Variants in CDH13 observed in about 807,000 individuals in gnomAD.
CDH13 encodes cadherin 13.
Under a neutral mutation model 63.8 loss-of-function variants are expected in CDH13, and 24 were observed. The observed-to-expected ratio is 0.38, with a 90% CI of 0.27 to 0.53. The LOEUF (loss-of-function observed/expected upper bound fraction) is 0.53, where lower values mean the gene tolerates loss of function less well. Ranked by LOEUF, CDH13 falls within the 20% of genes least tolerant of loss-of-function variation. The pLI is 0.85. For synonymous variants in CDH13, 503 were observed against 355.3 expected (o/e 1.42, Z -4.67); for missense variants, 1,049 against 903.1 (o/e 1.16, Z -2.07).
rs1279112965 is a variant in CDH13 at position 83,304,422 on chromosome 16, C to G, written c.637-40440C>G. Among the ~76,000 whole-genome samples, 6 of 151,892 alleles carry G rather than the reference C, an allele frequency of 4.0e-5. No homozygotes were observed. In the East Asian group the frequency reaches 1.2e-3, roughly 30 times the overall value. ...GTGGGTTGGGGAATGAGAAGGAGCT[C>G]AAGGTGATTATTCTGTTTTTTTTTC... On this transcript the variant is annotated intron_variant, in intron 5 of 13. Transcript: ENST00000567109.
At chr16:83,146,139 A>G (rs1332734531) in intron 4 of CDH13, among the ~76,000 whole-genome samples, 1 of 145,846 alleles carries the variant, frequency 6.9e-6, no homozygotes, top group Non-Finnish European at 1.5e-5. Context: ...AGTTACAGTG[A>G]GCCAAGATTG....
At chr16:83,636,120 GGTGCAGGTGTATTT>G (rs1911243209) in intron 8 of CDH13, among the ~76,000 whole-genome samples, 2 of 151,782 alleles carry the variant, frequency 1.3e-5, no homozygotes, top group Admixed American at 1.3e-4. Context: ...AAATCATGTG[GGTGCAGGTGTATTT>G]GTGCAGGTCT....
chr16:82,743,693 A>T (rs1002597082), intron 1 of CDH13, among the ~76,000 whole-genome samples: 1 of 152,362 alleles, frequency 6.6e-6, no homozygotes, highest in Non-Finnish European at 1.5e-5. Context: ...AAGCGTGTGA[A>T]TATGGAAAAC....
chr16:83,789,350 TGTCTG>T (rs756641816), intron 13 of CDH13, among the ~76,000 whole-genome samples: 25 of 143,696 alleles, frequency 1.7e-4, no homozygotes, highest in East Asian at 4.1e-4. Context: ...TTTTTTTGTT[TGTCTG>T]TTTTGTTTTA....
At chr16:82,791,639 C>A (rs932500030) in intron 1 of CDH13, among the ~76,000 whole-genome samples, 1 of 152,218 alleles carries the variant, frequency 6.6e-6, no homozygotes, top group Admixed American at 6.5e-5. Context: ...CCGTGGCTGA[C>A]TTCCACCCCT....
intron 4 of CDH13, among the ~76,000 whole-genome samples, chr16:83,194,241 C>T (rs551165463): frequency 2.0e-5 from 3 of 152,332 alleles, no homozygotes; most frequent in East Asian, 1.9e-4. Flanking sequence ...TGACAATCCA[C>T]GGGGGCCCCC....
chr16:82,912,785 T>C (rs1367727765), intron 2 of CDH13, among the ~76,000 whole-genome samples: 1 of 151,966 alleles, frequency 6.6e-6, no homozygotes, highest in Non-Finnish European at 1.5e-5. Context: ...CTACTAAAAA[T>C]ACAAAATATT....
At chr16:82,959,718 A>G (rs9926684) in intron 2 of CDH13, among the ~76,000 whole-genome samples, 9,328 of 152,232 alleles carry the variant, frequency 0.061, 909 homozygotes, top group African/African-American at 0.21. Context: ...TCTGTTTGCC[A>G]TATAAGTTTA....
intron 3 of CDH13, among the ~76,000 whole-genome samples, chr16:83,090,840 G>A (rs1022306091): frequency 8.0e-5 from 12 of 150,814 alleles, no homozygotes; most frequent in African/African-American, 2.7e-4. Context: ...GGAAACATAC[G>A]CTTTTTAAGC....
intron 4 of CDH13, among the ~76,000 whole-genome samples, chr16:83,141,293 G>A (rs1276665777): frequency 1.3e-5 from 2 of 152,088 alleles, no homozygotes; most frequent in African/African-American, 2.4e-5. Flanking sequence ...GTGCCCTTTT[G>A]CCTACACCCA....
intron 3 of CDH13, among the ~76,000 whole-genome samples, chr16:83,087,641 C>T (rs776041692): frequency 1.5e-5 from 2 of 131,046 alleles, no homozygotes; most frequent in Admixed American, 9.4e-5. Context: ...GCACTCCAGC[C>T]CGGGCGACGA....
chr16:82,755,682 T>A (rs75496831), intron 1 of CDH13, among the ~76,000 whole-genome samples: 7,222 of 152,294 alleles, frequency 0.047, 180 homozygotes, highest in Middle Eastern at 0.058. Flanking sequence ...ATTAAAACTG[T>A]TAAAATCACT....
chr16:83,140,840 CT>C (rs1285105863), intron 4 of CDH13, among the ~76,000 whole-genome samples: 1 of 152,178 alleles, frequency 6.6e-6, no homozygotes, highest in East Asian at 1.9e-4. Context: ...TTGTTTCTCC[CT>C]CCTGGGAACG....
chr16:82,829,979 A>T (rs2038453984), intron 1 of CDH13, among the ~76,000 whole-genome samples: 1 of 152,222 alleles, frequency 6.6e-6, no homozygotes, highest in South Asian at 2.1e-4. Flanking sequence ...AGTAACCAAC[A>T]TTATTATTTG....
intron 11 of CDH13, among the ~76,000 whole-genome samples, chr16:83,774,314 A>G (rs1299288684): frequency 6.6e-6 from 1 of 152,148 alleles, no homozygotes; most frequent in Admixed American, 6.5e-5. Flanking sequence ...CAGCAAGCAA[A>G]ATAGGAACAG....
intron 10 of CDH13, among the ~76,000 whole-genome samples, chr16:83,729,427 T>C (rs915905878): frequency 2.6e-5 from 4 of 152,174 alleles, no homozygotes; most frequent in Non-Finnish European, 4.4e-5. Context: ...AAAACAAATA[T>C]AGGCTCATGG....
intron 2 of CDH13, among the ~76,000 whole-genome samples, chr16:82,962,820 G>A (rs1907224529): frequency 6.6e-6 from 1 of 152,124 alleles, no homozygotes; most frequent in Non-Finnish European, 1.5e-5. Flanking sequence ...AGCAAGACGT[G>A]TGAAATAGAA....
chr16:83,527,353 G>A (rs1280730483), intron 7 of CDH13, among the ~76,000 whole-genome samples: 2 of 151,876 alleles, frequency 1.3e-5, no homozygotes, highest in African/African-American at 4.8e-5. Flanking sequence ...GGAGGCTGAG[G>A]CAGGAGAATG....
chr16:83,775,002 A>G (rs533583622), intron 11 of CDH13, among the ~76,000 whole-genome samples: 1 of 150,366 alleles, frequency 6.7e-6, no homozygotes, highest in Non-Finnish European at 1.5e-5. Context: ...GTAAATAGTA[A>G]TAATAATAAC....
Sources: allele counts gnomAD v4.1 joint callset (sites outside exome capture counted in the v4.1 genomes callset), GRCh38; gene constraint gnomAD v4.1.1; transcripts MANE v1.5; gene names NCBI Gene and HGNC (gene_info 2026-07-23, HGNC 2026-07-21).